Variants in ENPP6 observed in about 807,000 individuals in gnomAD.
ENPP6 encodes ectonucleotide pyrophosphatase/phosphodiesterase 6.
ENPP6 carries 32 observed loss-of-function variants against 42.0 expected under a neutral mutation model. The ratio of observed to expected loss-of-function variants is 0.76; its 90% confidence interval spans 0.58 to 1.02. The LOEUF (loss-of-function observed/expected upper bound fraction) is 1.02. Among genes scored for constraint, ENPP6 ranks in the 50% least tolerant of loss-of-function variants. ENPP6 has a pLI of 0.00. For missense variants in ENPP6, 552 were observed against 566.8 expected (o/e 0.97, Z 0.27); for synonymous variants, 213 against 216.0 (o/e 0.99, Z 0.12).
In ENPP6 at chr4:184,189,603, G is replaced by A. The variant is rs1732687645; in HGVS notation, c.241+27976C>T. 2.0e-5 allele frequency among the ~76,000 whole-genome samples: 3 copies of A among 152,230 alleles called. No homozygotes were observed. The South Asian group carries it at 6.2e-4, about 32-fold the overall frequency. On this transcript the variant is annotated intron_variant, in intron 1 of 7. Transcript: ENST00000296741. Reference sequence around the variant, plus strand: ...GCCTTTCCACGGACAAAGTCAGGAAGCCTCATGAGGAAACAGACCAGAGGA... The same window carrying A: ...GCCTTTCCACGGACAAAGTCAGGAAACCTCATGAGGAAACAGACCAGAGGA...
intron 2 of ENPP6, among the ~76,000 whole-genome samples, chr4:184,131,958 G>A (rs1241946144): frequency 3.3e-5 from 5 of 152,080 alleles, no homozygotes; most frequent in Non-Finnish European, 2.9e-5. Flanking sequence ...TCCTAATTCA[G>A]TCCTAATTCA....
chr4:184,127,434 A>G (rs899961864), intron 2 of ENPP6, among the ~76,000 whole-genome samples: 1 of 152,224 alleles, frequency 6.6e-6, no homozygotes, highest in Non-Finnish European at 1.5e-5. Context: ...CAGTATGAAG[A>G]TGAGAGTTTT....
At chr4:184,094,429 A>T (rs1399547385) in intron 7 of ENPP6, among the ~76,000 whole-genome samples, 2 of 152,262 alleles carry the variant, frequency 1.3e-5, no homozygotes, top group Non-Finnish European at 2.9e-5. Context: ...GAGGATTGAG[A>T]TTTCTTTCCC....
intron 2 of ENPP6, among the ~76,000 whole-genome samples, chr4:184,125,145 G>A (rs530746770): frequency 1.3e-5 from 2 of 152,310 alleles, no homozygotes; most frequent in African/African-American, 4.8e-5. Context: ...TGTGTGGTAT[G>A]TGAAGTCTAA....
chr4:184,116,938 T>C lies in ENPP6; in HGVS notation c.773A>G (p.Tyr258Cys), dbSNP rs1289670286. Reference protein sequence around the residue: ...WMDKVIELNKYISLNDLQQVK... With the variant: ...WMDKVIELNKCISLNDLQQVK... ...TTGCTGCAGGTCATTCAGGCTGATG[T>C]ACTTATTCAGCTCAATCACTTTGTC... Residue 258 changes from tyrosine to cysteine, a missense_variant, in exon 5 of 8, where the codon TAC becomes TGC. Tyr to Cys is a radical substitution (Grantham distance 194, BLOSUM62 -2). Transcript: ENST00000296741. 1.2e-6 allele frequency: 2 copies of C among 1,614,218 alleles called. No individual in the cohort carries two copies. The highest frequency in any genetic ancestry group is 1.7e-6 in the Non-Finnish European group (2 of 1,180,042).
At chr4:184,216,774 A>G (rs756406325) in intron 1 of ENPP6, 6 of 152,212 alleles carry the variant, frequency 3.9e-5, no homozygotes, top group Non-Finnish European at 8.8e-5. Flanking sequence ...TGCACATTCT[A>G]TTATCGCACG....
At position 184,145,051 on chromosome 4, in the gene ENPP6, A is replaced by G. The variant is rs572096425; in HGVS notation, c.421+8503T>C. 4.6e-5 allele frequency among the ~76,000 whole-genome samples: 7 copies of G among 152,184 alleles called. No individual in the cohort carries two copies. In the East Asian group the frequency reaches 1.4e-3, roughly 29 times the overall value. On this transcript the variant is annotated intron_variant, in intron 2 of 7. Coordinates refer to ENST00000296741, the MANE Select transcript of ENPP6 (RefSeq NM_153343.4). Reference sequence around the variant, plus strand: ...AGCAGGGCAGACCAGGTGGAGCGCCAGGAGGAGGAGGAGGAGGTGAGCAGC... The same window carrying G: ...AGCAGGGCAGACCAGGTGGAGCGCCGGGAGGAGGAGGAGGAGGTGAGCAGC...
At chr4:184,155,624 C>T (rs1029376644) in intron 1 of ENPP6, among the ~76,000 whole-genome samples, 8 of 151,966 alleles carry the variant, frequency 5.3e-5, no homozygotes, top group African/African-American at 1.9e-4. Flanking sequence ...GGAGAGATGC[C>T]GAGGGAGAGG....
chr4:184,146,118 G>A (rs1267773026), intron 2 of ENPP6, among the ~76,000 whole-genome samples: 2 of 150,132 alleles, frequency 1.3e-5, no homozygotes, highest in Non-Finnish European at 3.0e-5. Flanking sequence ...ATTTTCAAGC[G>A]TTGACTAACA....
chr4:184,193,488 C>T (rs1732736530), intron 1 of ENPP6, among the ~76,000 whole-genome samples: 2 of 152,158 alleles, frequency 1.3e-5, no homozygotes, highest in Admixed American at 6.5e-5. Context: ...TGGGAAGCAA[C>T]TGCAGGGCAC....
At chr4:184,198,877 G>A (rs1022347809) in intron 1 of ENPP6, among the ~76,000 whole-genome samples, 1 of 152,182 alleles carries the variant, frequency 6.6e-6, no homozygotes, top group South Asian at 2.1e-4. Context: ...TTGCCATCCA[G>A]ATAGGTACCA....
intron 1 of ENPP6, among the ~76,000 whole-genome samples, chr4:184,201,403 G>C (rs1050764591): frequency 3.9e-5 from 6 of 152,184 alleles, no homozygotes; most frequent in African/African-American, 1.4e-4. Context: ...ATTGGGGTGA[G>C]GGAGGCGGGG....
chr4:184,189,126 T>C (rs1732680132), intron 1 of ENPP6, among the ~76,000 whole-genome samples: 1 of 151,988 alleles, frequency 6.6e-6, no homozygotes, highest in Non-Finnish European at 1.5e-5. Context: ...TGGATTGGAG[T>C]TGATATAATA....
intron 3 of ENPP6, among the ~76,000 whole-genome samples, chr4:184,122,080 T>C (rs991626264): frequency 6.6e-6 from 1 of 152,184 alleles, no homozygotes; most frequent in African/African-American, 2.4e-5. Context: ...TTCCACCTAC[T>C]ACCCAAAGGG....
intron 1 of ENPP6, among the ~76,000 whole-genome samples, chr4:184,215,804 C>T (rs1309139685): frequency 6.6e-6 from 1 of 152,198 alleles, no homozygotes; most frequent in African/African-American, 2.4e-5. Context: ...ACTCACGGGA[C>T]CTGTGCTGCC....
intron 2 of ENPP6, among the ~76,000 whole-genome samples, chr4:184,145,573 G>A (rs534326404): frequency 3.3e-5 from 5 of 152,336 alleles, no homozygotes; most frequent in African/African-American, 1.2e-4. Flanking sequence ...TAAGCTCCTC[G>A]GTGGCAGGGC....
intron 1 of ENPP6, among the ~76,000 whole-genome samples, chr4:184,215,063 C>A (rs554266175): frequency 6.6e-6 from 1 of 152,310 alleles, no homozygotes; most frequent in East Asian, 1.9e-4. Context: ...CACCTGAAAT[C>A]CCGGCCTGAT....
At chr4:184,214,841 G>A (rs1733172987) in intron 1 of ENPP6, among the ~76,000 whole-genome samples, 3 of 152,140 alleles carry the variant, frequency 2.0e-5, no homozygotes, top group Non-Finnish European at 2.9e-5. Flanking sequence ...GAGGATCGGG[G>A]GCACAGGGAG....
intron 1 of ENPP6, among the ~76,000 whole-genome samples, chr4:184,171,063 T>G (rs1737453148): frequency 6.6e-6 from 1 of 152,248 alleles, no homozygotes; most frequent in Non-Finnish European, 1.5e-5. Context: ...CTCAAGTGGC[T>G]TAAACAATAG....
Sources: gnomAD v4.1 joint callset for allele counts (sites outside exome capture counted in the v4.1 genomes callset) on GRCh38, gnomAD v4.1.1 for gene constraint, MANE v1.5 for transcripts, NCBI Gene and HGNC (gene_info 2026-07-23, HGNC 2026-07-21) for gene names.